The following LYRM1 variants were observed in gnomAD, a reference collection of about 807,000 sequenced individuals.
The protein encoded by LYRM1 is LYR motif containing 1, also known as LYR motif-containing protein 1.
A neutral mutation model predicts 14.9 loss-of-function variants in LYRM1; 14 were observed. The observed-to-expected ratio is 0.94, with a 90% confidence interval of 0.62 to 1.47. LYRM1 has a LOEUF of 1.47. LYRM1 is among the 40% of genes most tolerant of loss of function. The probability of loss-of-function intolerance (pLI) is 0.00; values close to 1 mark genes in which losing one functional copy is unlikely to be tolerated. For missense variants in LYRM1, 153 were observed against 149.9 expected, an observed-to-expected ratio of 1.02 and a Z score of -0.11; for synonymous variants, 43 against 56.2, an observed-to-expected ratio of 0.77 and a Z score of 1.05.
Position 20,915,578 on chromosome 16 carries a change from A to G in LYRM1, c.23A>G (p.Glu8Gly), listed in dbSNP as rs756209285. MTTATRQ[E>G]VLGLYRSIFR... ...AAGATGACAACGGCAACACGACAAG[A>G]AGTCCTTGGCCTCTACCGCAGCATT... Residue 8 changes from glutamate (E) to glycine (G), a missense_variant, in exon 2 of 4, where the codon GAA becomes GGA. Coordinates refer to ENST00000567954, the MANE Select transcript of LYRM1 (RefSeq NM_001128302.3). 1 of 1,614,090 alleles carries G rather than the reference A, an allele frequency of 6.2e-7. No individual in the cohort carries two copies. The highest frequency in any genetic ancestry group is 1.1e-5 in the South Asian group (1 of 91,074).
At chr16:20,904,728 TAA>T (rs1352744608) in intron 1 of LYRM1, among the ~76,000 whole-genome samples, 7 of 151,696 alleles carry the variant, frequency 4.6e-5, no homozygotes, top group Non-Finnish European at 7.4e-5. Context: ...TGTGTGTGTT[TAA>T]TTGATAGGAG....
rs774940070 is a variant in LYRM1, at chr16:20,924,024, A to AC, written c.281dup (p.Leu95ThrfsTer25). Reference sequence around the variant, plus strand: ...GATTCATCTGCCTCCAATGGGCCTTACCCCACTCCGAGGCCGGGGACTTCG... The same window carrying AC: ...GATTCATCTGCCTCCAATGGGCCTTACCCCCACTCCGAGGCCGGGGACTTCG... On this transcript the variant is annotated frameshift_variant, in exon 4 of 4. Transcript: ENST00000567954. LOFTEE classifies it high-confidence loss of function. 13 of 1,610,948 alleles carry AC rather than the reference A, an allele frequency of 8.1e-6. No individual in the cohort carries two copies. The highest frequency in any genetic ancestry group is 7.6e-6 in the Non-Finnish European group (9 of 1,177,460).
intron 2 of LYRM1, among the ~76,000 whole-genome samples, chr16:20,917,439 G>A (rs1007661756): frequency 6.6e-6 from 1 of 151,916 alleles, no homozygotes; most frequent in Non-Finnish European, 1.5e-5. Flanking sequence ...ATATGGGGCT[G>A]TGGGCTCAGA....
At position 20,901,797 on chromosome 16, in the gene LYRM1, G is replaced by A. The variant is rs2082071885; in HGVS notation, c.-1+908G>A. On this transcript the variant is annotated intron_variant, in intron 1 of 3. Transcript: ENST00000567954. The surrounding 1 kb of genome is among the most constrained non-coding windows in gnomAD (Gnocchi z 4.6). ...AAGTAGTTAGACCTGTTAGGAGACT[G>A]TTGCACTGTAAGACAAAGGAGAGGT... Among the ~76,000 whole-genome samples the A allele has an allele frequency of 6.7e-6, 1 of 149,738 alleles. No individual in the cohort carries two copies. Among genetic ancestry groups the A allele is most frequent in the South Asian group, 2.1e-4 (1 of 4,830 alleles).
At chr16:20,918,997 A>G (rs909122840) in intron 2 of LYRM1, among the ~76,000 whole-genome samples, 3 of 152,194 alleles carry the variant, frequency 2.0e-5, no homozygotes, top group Non-Finnish European at 4.4e-5. Flanking sequence ...CGTGGGTGTC[A>G]TCTGGTGCTG....
chr16:20,913,157 C>A (rs1342175329), intron 1 of LYRM1, among the ~76,000 whole-genome samples: 2 of 150,770 alleles, frequency 1.3e-5, no homozygotes, highest in Non-Finnish European at 3.0e-5. Flanking sequence ...TAAAGATATG[C>A]ACAATAAACA....
chr16:20,915,649 G>C lies in LYRM1; in HGVS notation c.94G>C (p.Asp32His). Residue 32 changes from aspartate to histidine, a missense_variant, in exon 2 of 4, where the codon GAC (aspartate) becomes CAC (histidine). By Grantham distance (81) the Asp-to-His change is moderately conservative. Transcript: ENST00000567954. ...GCAGGCGACATCAGGGCAGATGGAA[G>C]ACACCATCAAAGAAAAACAGTACAT... ...KWQATSGQME[D>H]TIKEKQYILN... The C allele has an allele frequency of 6.2e-7, 1 of 1,614,104 alleles. No individual in the cohort carries two copies. Among genetic ancestry groups the C allele is most frequent in the East Asian group, 2.2e-5 (1 of 44,880 alleles).
Position 20,923,981 on chromosome 16 carries a change from T to A in LYRM1, c.253-19T>A, listed in dbSNP as rs1443545081. The stretch of plus-strand genomic sequence containing the variant: ...CAATGATGATGAATATGATTCTTCA[T>A]ATTATTGTTCTTATTCAGATTCATC... On this transcript the variant is annotated intron_variant, in intron 3 of 3. Transcript: ENST00000567954. 7.5e-7 allele frequency: 1 copy of A among 1,329,082 alleles called. No homozygotes were observed. The highest frequency in any genetic ancestry group is 1.2e-5 in the South Asian group (1 of 81,684). 82.3% of individuals were successfully genotyped at this position (1,329,082 alleles called of 1,614,324 possible). A position where few individuals can be genotyped will look rare whatever the true frequency, so the allele number is the denominator to read the frequency against.
At chr16:20,916,526 A>T (rs1361377786) in intron 2 of LYRM1, among the ~76,000 whole-genome samples, 1 of 152,020 alleles carries the variant, frequency 6.6e-6, no homozygotes. Flanking sequence ...CCGTGTCATC[A>T]CACACCCTCC....
At chr16:20,914,155 CCAA>C (rs1388950670) in intron 1 of LYRM1, among the ~76,000 whole-genome samples, 2 of 151,948 alleles carry the variant, frequency 1.3e-5, no homozygotes, top group Non-Finnish European at 2.9e-5. Flanking sequence ...AGAAAGTAGA[CCAA>C]CGATTTTGAG....
intron 3 of LYRM1, among the ~76,000 whole-genome samples, chr16:20,921,014 GTA>G (rs2083160786): frequency 6.6e-6 from 1 of 151,090 alleles, no homozygotes; most frequent in Admixed American, 6.6e-5. Context: ...AATAATAAAT[GTA>G]TATAAATTTA....
In LYRM1 at chr16:20,907,870, G is replaced by A. The variant is rs1168834659; in HGVS notation, c.-1+6981G>A. Among the ~76,000 whole-genome samples, 8 of 152,084 alleles carry A rather than the reference G, an allele frequency of 5.3e-5. No individual in the cohort carries two copies. In the South Asian group the frequency reaches 1.7e-3, roughly 32 times the overall value. ...CTCTTCAGAGCACATATGACTGTCT[G>A]AAATTCTTGTTCTTGTACATCATCT... On this transcript the variant is annotated intron_variant, in intron 1 of 3. Coordinates refer to ENST00000567954, the MANE Select transcript of LYRM1 (RefSeq NM_001128302.3).
At chr16:20,916,063 G>T (rs1027737050) in intron 2 of LYRM1, among the ~76,000 whole-genome samples, 1 of 97,440 alleles carries the variant, frequency 1.0e-5, no homozygotes, top group East Asian at 2.2e-4. Flanking sequence ...CAGGAAAGTG[G>T]TTTTTTGTTG....
chr16:20,907,755 T>C (rs530980439), intron 1 of LYRM1, among the ~76,000 whole-genome samples: 2 of 152,274 alleles, frequency 1.3e-5, no homozygotes, highest in South Asian at 2.1e-4. Context: ...GGGTCCGTTA[T>C]TAGGTTCCAT....
intron 1 of LYRM1, among the ~76,000 whole-genome samples, chr16:20,906,953 T>C (rs1211872405): frequency 6.6e-6 from 1 of 152,076 alleles, no homozygotes; most frequent in Non-Finnish European, 1.5e-5. Flanking sequence ...TGTTTGGTGT[T>C]TGGTTTTTGT....
At chr16:20,921,192 T>G (rs1020189913) in intron 3 of LYRM1, 3 of 152,068 alleles carry the variant, frequency 2.0e-5, no homozygotes, top group Non-Finnish European at 4.4e-5. Context: ...CAGGCTAAAG[T>G]GATTCTCCCA....
intron 1 of LYRM1, among the ~76,000 whole-genome samples, chr16:20,912,363 G>A (rs1008242823): frequency 2.6e-5 from 4 of 151,916 alleles, no homozygotes; most frequent in Non-Finnish European, 5.9e-5. Flanking sequence ...TCCGCCTCCC[G>A]GGTTCACGCC....
chr16:20,900,641 T>C (rs1230431517), upstream of LYRM1: 2 of 150,560 alleles, frequency 1.3e-5, no homozygotes, highest in Non-Finnish European at 3.0e-5. Context: ...AAAGGAAAAA[T>C]AGGGGGAGGA....
chr16:20,905,793 G>A (rs2082290585), intron 1 of LYRM1, among the ~76,000 whole-genome samples: 2 of 152,128 alleles, frequency 1.3e-5, no homozygotes, highest in South Asian at 4.1e-4. Flanking sequence ...AAACTGATGA[G>A]GATTCCTCCC....
Sources: allele counts gnomAD v4.1 joint callset (sites outside exome capture counted in the v4.1 genomes callset), GRCh38; gene constraint gnomAD v4.1.1; non-coding constraint Gnocchi (gnomAD v3.1); transcripts MANE v1.5; gene names NCBI Gene and HGNC (gene_info 2026-07-23, HGNC 2026-07-21).